The following ERMP1 variants were observed in gnomAD, a reference collection of about 807,000 sequenced individuals.
The protein encoded by ERMP1 is endoplasmic reticulum metallopeptidase 1.
Under a neutral mutation model 92.0 loss-of-function variants are expected in ERMP1, and 86 were observed. The observed-to-expected ratio is 0.93, with a 90% CI of 0.79 to 1.12. The LOEUF is 1.12. ERMP1 is among the 50% of genes most tolerant of loss of function. The probability of loss-of-function intolerance (pLI) is 0.00; values close to 1 mark genes in which losing one functional copy is unlikely to be tolerated. For missense variants in ERMP1, 1,342 were observed against 1,116.3 expected, an observed-to-expected ratio of 1.20 and a Z score of -2.88; for synonymous variants, 530 against 412.8, an observed-to-expected ratio of 1.28 and a Z score of -3.44.
chr9:5,841,619 G>A (rs896286530), intron 6 of ERMP1, among the ~76,000 whole-genome samples: 4 of 152,150 alleles, frequency 2.6e-5, no homozygotes, highest in African/African-American at 9.7e-5. Context: ...CCAACATAGT[G>A]AAACCTGTCT....
At position 5,785,077 on chromosome 9, in the gene ERMP1, G is replaced by C. The variant is rs1827880903; in HGVS notation, c.*2067C>G. 3.3e-5 allele frequency: 5 copies of C among 152,174 alleles called. No homozygotes were observed. Among genetic ancestry groups the C allele is most frequent in the Admixed American group, 2.6e-4 (4 of 15,278 alleles). The allele number at this position is 152,174 out of a possible 1,614,324, so 9.4% of individuals were successfully genotyped here. On this transcript the variant is annotated 3_prime_UTR_variant, in exon 15 of 15. Coordinates refer to ENST00000339450, the MANE Select transcript of ERMP1 (RefSeq NM_024896.3). ...TTTCTGGCATTTAAATGACCTCCCA[G>C]AATATTACACAAGCCCTGAGACTAG...
intron 5 of ERMP1, among the ~76,000 whole-genome samples, chr9:5,862,518 T>A (rs1053496041): frequency 6.6e-6 from 1 of 151,996 alleles, no homozygotes; most frequent in Non-Finnish European, 1.5e-5. Context: ...TTTTTTGTAC[T>A]TTTTATTTTT....
chr9:5,824,107 A>C (rs1829645336), intron 3 of ERMP1, 106 bp from the exon 4 acceptor site: 1 of 778,894 alleles, frequency 1.3e-6, no homozygotes, highest in Non-Finnish European at 2.1e-6. Flanking sequence ...AAGGAATATG[A>C]AAACAAAATA....
intron 6 of ERMP1, among the ~76,000 whole-genome samples, chr9:5,843,212 C>T (rs1830187416): frequency 6.6e-6 from 1 of 152,228 alleles, no homozygotes; most frequent in Non-Finnish European, 1.5e-5. Flanking sequence ...AGAACCCTGG[C>T]TCCACCTAAA....
At chr9:5,833,123 G>C, upstream of ERMP1, 2 of 1,160,906 alleles carry the variant, frequency 1.7e-6, no homozygotes, top group Non-Finnish European at 2.3e-6. Flanking sequence ...CTCCTAGTGA[G>C]CGGACGGAAA....
chr9:5,803,211 A>G (rs1241003033), intron 10 of ERMP1, among the ~76,000 whole-genome samples: 1 of 152,226 alleles, frequency 6.6e-6, no homozygotes, highest in Non-Finnish European at 1.5e-5. Flanking sequence ...TTAATAAGCC[A>G]CTATCATTAA....
At chr9:5,794,072 T>A (rs566880981) in intron 13 of ERMP1, among the ~76,000 whole-genome samples, 5 of 152,190 alleles carry the variant, frequency 3.3e-5, no homozygotes, top group South Asian at 2.1e-4. Context: ...AGATTTAGAA[T>A]AGAATTCATA....
At chr9:5,858,280 T>C (rs889843694) in intron 6 of ERMP1, among the ~76,000 whole-genome samples, 3 of 152,124 alleles carry the variant, frequency 2.0e-5, no homozygotes, top group Non-Finnish European at 2.9e-5. Flanking sequence ...TGCAAAAATA[T>C]GATTATATTA....
chr9:5,801,067 A>C (rs1259467567), intron 11 of ERMP1, 109 bp downstream of exon 11: 4 of 1,165,932 alleles, frequency 3.4e-6, no homozygotes, highest in Non-Finnish European at 4.8e-6. Flanking sequence ...GAGTATGACT[A>C]AATAGGTCAA....
chr9:5,793,542 G>C (rs1828290206), intron 13 of ERMP1, among the ~76,000 whole-genome samples: 1 of 152,120 alleles, frequency 6.6e-6, no homozygotes, highest in African/African-American at 2.4e-5. Flanking sequence ...ACTATGTGTT[G>C]TCTACAGAAA....
intron 6 of ERMP1, among the ~76,000 whole-genome samples, chr9:5,857,206 G>T (rs1830386774): frequency 6.6e-6 from 1 of 152,096 alleles, no homozygotes; most frequent in Admixed American, 6.6e-5. Flanking sequence ...ATTTTTTGTA[G>T]AGATGGGGTT....
At chr9:5,818,344 A>G (rs1353120082) in intron 4 of ERMP1, among the ~76,000 whole-genome samples, 1 of 152,190 alleles carries the variant, frequency 6.6e-6, no homozygotes, top group African/African-American at 2.4e-5. Flanking sequence ...AGAAAAATTA[A>G]TGATGGAAGA....
chr9:5,825,192 G>C lies in ERMP1; in HGVS notation c.668C>G (p.Ser223Ter), dbSNP rs1440470790. The C allele has an allele frequency of 2.5e-6, 4 of 1,613,490 alleles. No homozygotes were observed. The highest frequency in any genetic ancestry group is 3.4e-6 in the Non-Finnish European group (4 of 1,179,832). Reference sequence around the variant, plus strand: ...GACGCGAAGGACTTCCAGCATCACTGAGCAGCTAACTGCATCATCACTGGC... The same window carrying C: ...GACGCGAAGGACTTCCAGCATCACTCAGCAGCTAACTGCATCATCACTGGC... Reference protein sequence around the residue: ...PGASDDAVSCSVMLEVLRVLS... With the variant: ...PGASDDAVSC Residue 223 changes from serine to a stop codon, truncating the protein, a stop_gained, in exon 3 of 15, where the codon TCA becomes TGA. Transcript: ENST00000339450. LOFTEE classifies it high-confidence loss of function.
At chr9:5,855,155 AG>A (rs1361546015) in intron 6 of ERMP1, among the ~76,000 whole-genome samples, 1 of 152,240 alleles carries the variant, frequency 6.6e-6, no homozygotes, top group African/African-American at 2.4e-5. Context: ...TAATAGCCTA[AG>A]AAAAAACAGA....
rs1828973438 is a variant in ERMP1 at position 5,808,887 on chromosome 9, A to G, written c.1548+1124T>C. ...CAGGTAGCTGGGACTACAGGCACAC[A>G]CCACCATGCCTGGCTAATTTTTTGT... On this transcript the variant is annotated intron_variant, in intron 8 of 14. Transcript: ENST00000339450. 2.0e-5 allele frequency among the ~76,000 whole-genome samples: 3 copies of G among 151,514 alleles called. No homozygotes were observed. In the South Asian group the frequency reaches 6.3e-4, roughly 32 times the overall value.
intron 6 of ERMP1, among the ~76,000 whole-genome samples, chr9:5,847,485 G>A (rs1252455534): frequency 6.6e-6 from 1 of 152,086 alleles, no homozygotes; most frequent in Non-Finnish European, 1.5e-5. Flanking sequence ...GTGATCACCT[G>A]CCTCGGCCTC....
chr9:5,803,020 G>A (rs999836723), intron 10 of ERMP1, among the ~76,000 whole-genome samples: 9 of 150,142 alleles, frequency 6.0e-5, no homozygotes, highest in East Asian at 2.0e-4. Flanking sequence ...GTGACAGAGC[G>A]AGACTCTGTC....
intron 6 of ERMP1, 71 bp downstream of exon 6, chr9:5,812,054 T>C: frequency 1.0e-6 from 1 of 967,690 alleles, no homozygotes; most frequent in South Asian, 1.5e-5. Context: ...CCACAGAATA[T>C]TTACAAGTTT....
intron 1 of ERMP1, 33 bp from the exon 2 acceptor site, chr9:5,831,061 T>C (rs201669488): frequency 5.1e-6 from 8 of 1,571,536 alleles, no homozygotes; most frequent in Admixed American, 1.8e-5. Flanking sequence ...CAAAGGTTTG[T>C]AGTTAAAATT....
Sources: allele counts gnomAD v4.1 joint callset (sites outside exome capture counted in the v4.1 genomes callset), GRCh38; gene constraint gnomAD v4.1.1; transcripts MANE v1.5; gene names NCBI Gene and HGNC (gene_info 2026-07-23, HGNC 2026-07-21).